DAB1: variants seen among roughly 807,000 people sequenced by gnomAD.
DAB1 encodes DAB adaptor protein 1.
DAB1 carries 15 observed loss-of-function variants against 64.6 expected under a neutral mutation model. That is an observed-to-expected ratio of 0.23 (90% confidence interval 0.16 to 0.36). DAB1 has a LOEUF of 0.36. DAB1 is among the 10% of genes least tolerant of loss of function. DAB1 has a pLI of 1.00. For missense variants in DAB1, 596 were observed against 706.7 expected (o/e 0.84, Z 1.78); for synonymous variants, 235 against 251.9 (o/e 0.93, Z 0.64).
At chr1:57,268,757 G>A (rs1346504960) in intron 2 of DAB1, among the ~76,000 whole-genome samples, 1 of 152,180 alleles carries the variant, frequency 6.6e-6, no homozygotes, top group Non-Finnish European at 1.5e-5. Flanking sequence ...AGGCTTCACA[G>A]GTTAAGTAGC....
intron 1 of DAB1, among the ~76,000 whole-genome samples, chr1:57,420,080 CAG>C (rs1684782409): frequency 6.6e-6 from 1 of 152,256 alleles, no homozygotes. Context: ...GAAACTGCCA[CAG>C]AGTCACAAGT....
intron 5 of DAB1, among the ~76,000 whole-genome samples, chr1:57,986,599 T>C (rs1646225075): frequency 6.6e-6 from 1 of 152,174 alleles, no homozygotes; most frequent in Non-Finnish European, 1.5e-5. Context: ...GACCACGTGT[T>C]CTCCGCTGCT....
At chr1:57,311,252 T>A (rs933656514) in intron 1 of DAB1, among the ~76,000 whole-genome samples, 3 of 151,700 alleles carry the variant, frequency 2.0e-5, no homozygotes, top group African/African-American at 7.3e-5. Context: ...CACTCTGTCA[T>A]CATGATTGCT....
At chr1:58,016,947 A>G (rs1356921828) in intron 5 of DAB1, among the ~76,000 whole-genome samples, 1 of 152,132 alleles carries the variant, frequency 6.6e-6, no homozygotes, top group Non-Finnish European at 1.5e-5. Flanking sequence ...GAGCGCTCTG[A>G]TCTTCAGGAC....
rs570561378 is a variant in DAB1 at position 57,182,393 on chromosome 1, C to G, written c.68-36964G>C. Among the ~76,000 whole-genome samples the G allele has an allele frequency of 2.6e-5, 4 of 152,206 alleles. No homozygotes were observed. In the South Asian group the frequency reaches 8.3e-4, roughly 32 times the overall value. The stretch of plus-strand genomic sequence containing the variant: ...CATGTGCAGGTAAAAATATTGAGGC[C>G]CAGTCAGGTGGATCTGGCTGAAGCT... On this transcript the variant is annotated intron_variant, in intron 2 of 14. Coordinates refer to ENST00000371236, the MANE Select transcript of DAB1 (RefSeq NM_001365792.1).
chr1:58,117,042 G>A (rs1171586961), intron 5 of DAB1, among the ~76,000 whole-genome samples: 1 of 152,162 alleles, frequency 6.6e-6, no homozygotes, highest in Non-Finnish European at 1.5e-5. Context: ...ATACTCATTT[G>A]CTCCTCAAAA....
chr1:57,641,675 A>C (rs767647579), intron 7 of DAB1, among the ~76,000 whole-genome samples: 4 of 151,556 alleles, frequency 2.6e-5, no homozygotes, highest in Admixed American at 1.3e-4. Flanking sequence ...TTTATAATTC[A>C]GTAACCCCAG....
At chr1:57,009,572 C>T (rs1046664310) in intron 14 of DAB1, among the ~76,000 whole-genome samples, 13 of 152,136 alleles carry the variant, frequency 8.5e-5, no homozygotes, top group South Asian at 2.1e-4. Flanking sequence ...AGGTAGCCTC[C>T]GAATCCATTT....
chr1:58,294,795 C>A (rs976535564), intron 4 of DAB1, among the ~76,000 whole-genome samples: 2 of 150,990 alleles, frequency 1.3e-5, no homozygotes, highest in South Asian at 4.2e-4. Context: ...GTAGAGGATG[C>A]AAAAATGCCA....
intron 5 of DAB1, among the ~76,000 whole-genome samples, chr1:58,069,816 A>G (rs923950820): frequency 6.6e-6 from 1 of 152,212 alleles, no homozygotes; most frequent in Non-Finnish European, 1.5e-5. Flanking sequence ...CATGTACTAG[A>G]TATGTGGAGG....
chr1:57,060,577 T>G lies in DAB1; in HGVS notation c.723+2307A>C, dbSNP rs188325423. Among the ~76,000 whole-genome samples, 4 of 152,306 alleles carry G rather than the reference T, an allele frequency of 2.6e-5. No homozygotes were observed. In the East Asian group the frequency reaches 7.7e-4, roughly 29 times the overall value. ...CAAGGAAGTAATAGGGAAAAAGTGCTATTAGCAGAGGAATGACAGCACAAA... is the reference window on the plus strand; with the variant it reads ...CAAGGAAGTAATAGGGAAAAAGTGCGATTAGCAGAGGAATGACAGCACAAA... On this transcript the variant is annotated intron_variant, in intron 9 of 14. Coordinates refer to ENST00000371236, the MANE Select transcript of DAB1 (RefSeq NM_001365792.1).
At chr1:57,146,097 G>T (rs1260508163) in intron 2 of DAB1, among the ~76,000 whole-genome samples, 2 of 152,202 alleles carry the variant, frequency 1.3e-5, no homozygotes, top group Non-Finnish European at 1.5e-5. Context: ...ACATCAACCA[G>T]GAGCTCAAGC....
rs1022740698 is a variant in DAB1 at position 58,132,116 on chromosome 1, T to C, written n.387+18395A>G. ...TGGGCTAGCAATCAGCGAGACTCCG[T>C]GGGCGTAGGACCCTCCAAGCCAGGT... On this transcript the variant is annotated intron_variant and non_coding_transcript_variant, in intron 5 of 20. Coordinates refer to the DAB1 transcript ENST00000485760. 3.6e-4 allele frequency among the ~76,000 whole-genome samples: 55 copies of C among 152,172 alleles called. 3 individuals are homozygous for C. The highest frequency in any genetic ancestry group is 1.5e-5 in the Non-Finnish European group (1 of 68,034).
At chr1:58,123,656 G>A (rs1048987231) in intron 5 of DAB1, among the ~76,000 whole-genome samples, 27 of 152,114 alleles carry the variant, frequency 1.8e-4, no homozygotes, top group Admixed American at 1.7e-3. Flanking sequence ...TAGGGCCCTG[G>A]TGTGCCCTTA....
intron 7 of DAB1, among the ~76,000 whole-genome samples, chr1:57,498,927 G>A (rs1018152462): frequency 1.3e-4 from 20 of 152,288 alleles, no homozygotes; most frequent in Admixed American, 5.9e-4. Context: ...TCTCCTCTAG[G>A]GAGGAAATGG....
At chr1:58,286,532 A>G (rs921065359) in intron 4 of DAB1, among the ~76,000 whole-genome samples, 1 of 152,244 alleles carries the variant, frequency 6.6e-6, no homozygotes, top group Non-Finnish European at 1.5e-5. Flanking sequence ...TTCTCAAAAG[A>G]AGACATTTAT....
At chr1:58,461,947 T>C (rs1645245901) in intron 3 of DAB1, among the ~76,000 whole-genome samples, 1 of 152,166 alleles carries the variant, frequency 6.6e-6, no homozygotes, top group Non-Finnish European at 1.5e-5. Context: ...TTGTGGGGCA[T>C]CCACAATCAT....
intron 6 of DAB1, among the ~76,000 whole-genome samples, chr1:57,779,775 T>C (rs1277872657): frequency 6.6e-6 from 1 of 152,162 alleles, no homozygotes; most frequent in Non-Finnish European, 1.5e-5. Flanking sequence ...AGAAAAATCC[T>C]TAGTGAGCTG....
chr1:57,306,009 CT>C (rs1366615718), intron 1 of DAB1, among the ~76,000 whole-genome samples: 1 of 151,186 alleles, frequency 6.6e-6, no homozygotes, highest in Non-Finnish European at 1.5e-5. Context: ...AAAACAATGA[CT>C]TTCATGAGAA....
Sources: allele counts gnomAD v4.1 joint callset (sites outside exome capture counted in the v4.1 genomes callset), GRCh38; gene constraint gnomAD v4.1.1; transcripts MANE v1.5; gene names NCBI Gene and HGNC (gene_info 2026-07-23, HGNC 2026-07-21).